The following HIKESHI variants were observed in gnomAD, a reference collection of about 807,000 sequenced individuals.
HIKESHI encodes the protein protein Hikeshi.
A neutral mutation model predicts 25.7 loss-of-function variants in HIKESHI; 13 were observed. The observed-to-expected ratio is 0.51, with a 90% CI of 0.33 to 0.80. HIKESHI has a LOEUF of 0.80. Ranked by LOEUF, HIKESHI falls within the 30% of genes least tolerant of loss-of-function variation. The pLI is 0.02. For missense variants in HIKESHI, 174 were observed against 229.5 expected, an observed-to-expected ratio of 0.76 and a Z score of 1.56; for synonymous variants, 76 against 78.7, an observed-to-expected ratio of 0.97 and a Z score of 0.18.
At chr11:86,326,381 G>C in intron 2 of HIKESHI, 1 of 413,382 alleles carries the variant, frequency 2.4e-6, no homozygotes, top group South Asian at 1.8e-5. Flanking sequence ...AAGGTCTTTT[G>C]TTATATTATG....
chr11:86,324,496 G>C (rs1947226290), intron 2 of HIKESHI, among the ~76,000 whole-genome samples: 1 of 152,130 alleles, frequency 6.6e-6, no homozygotes, highest in South Asian at 2.1e-4. Flanking sequence ...TTAAACAAAT[G>C]ATAAAATGCT....
chr11:86,326,705 G>T, intron 2 of HIKESHI: 1 of 362,628 alleles, frequency 2.8e-6, no homozygotes, highest in Non-Finnish European at 5.5e-6. Context: ...GGAAGTGGGT[G>T]GATGGGAATC....
intron 3 of HIKESHI, among the ~76,000 whole-genome samples, chr11:86,342,211 T>C (rs562281903): frequency 3.9e-5 from 6 of 152,380 alleles, no homozygotes; most frequent in Non-Finnish European, 7.3e-5. Context: ...GTATTGCTTT[T>C]GGCACTTTTT....
intron 3 of HIKESHI, among the ~76,000 whole-genome samples, chr11:86,340,507 G>A (rs1355109272): frequency 1.3e-5 from 2 of 152,208 alleles, no homozygotes; most frequent in Admixed American, 6.5e-5. Context: ...GACCAGTGAT[G>A]ATGAGCATTT....
At chr11:86,314,466 T>C (rs1247811607) in intron 2 of HIKESHI, among the ~76,000 whole-genome samples, 1 of 151,966 alleles carries the variant, frequency 6.6e-6, no homozygotes, top group Non-Finnish European at 1.5e-5. Context: ...ATACAAAAAA[T>C]TAGCCAGGCA....
chr11:86,345,816 T>C lies in HIKESHI; in HGVS notation c.*178T>C. ...AAAAACATTGAAAAATGAAAATATG[T>C]TCATCATTAAAGACTTTTTTCCCCT... is the stretch of plus-strand genomic sequence containing the variant. On this transcript the variant is annotated 3_prime_UTR_variant, in exon 5 of 5. Coordinates refer to ENST00000278483, the MANE Select transcript of HIKESHI (RefSeq NM_016401.4). 2.5e-6 allele frequency: 1 copy of C among 394,580 alleles called. No homozygotes were observed. Among genetic ancestry groups the C allele is most frequent in the Middle Eastern group, 6.7e-4 (1 of 1,498 alleles). 24.4% of individuals were successfully genotyped at this position (394,580 alleles called of 1,614,324 possible).
intron 2 of HIKESHI, among the ~76,000 whole-genome samples, chr11:86,309,140 A>C (rs291209): frequency 0.57 from 87,309 of 151,968 alleles, 25,641 homozygotes; most frequent in East Asian, 0.79. Context: ...TTGAGGAATC[A>C]CCACACTGTC....
At chr11:86,326,679 A>C in intron 2 of HIKESHI, 1 of 361,534 alleles carries the variant, frequency 2.8e-6, no homozygotes. Context: ...AAATATGAGT[A>C]AGATTTGGAT....
At chr11:86,311,180 C>T (rs1333704392) in intron 2 of HIKESHI, among the ~76,000 whole-genome samples, 3 of 152,076 alleles carry the variant, frequency 2.0e-5, no homozygotes, top group Non-Finnish European at 4.4e-5. Flanking sequence ...GCTGTGAATC[C>T]GTGTGGTCCT....
At position 86,331,978 on chromosome 11, in the gene HIKESHI, TTTTC is replaced by T. The variant is rs1222580738; in HGVS notation, c.269-5397_269-5394del. On this transcript the variant is annotated intron_variant, in intron 2 of 4. Coordinates refer to ENST00000278483, the MANE Select transcript of HIKESHI (RefSeq NM_016401.4). Reference sequence around the variant, plus strand: ...CCTTCCTTTTGCCATAACTGTTTTCTTTTCTTTTTTTTTTTTTTTTGCGACGGAG... The same window carrying T: ...CCTTCCTTTTGCCATAACTGTTTTCTTTTTTTTTTTTTTTTTGCGACGGAG... 2.8e-3 allele frequency among the ~76,000 whole-genome samples: 412 copies of T among 144,940 alleles called. 1 individual carries two copies. Among genetic ancestry groups the T allele is most frequent in the Non-Finnish European group, 5.1e-3 (334 of 65,972 alleles).
chr11:86,306,529 T>C, intron 2 of HIKESHI, 47 bp downstream of exon 2: 1 of 1,163,154 alleles, frequency 8.6e-7, no homozygotes, highest in Non-Finnish European at 1.2e-6. Context: ...CAAACTTTTT[T>C]CTTAAATAGC....
chr11:86,323,499 A>G (rs920728138), intron 2 of HIKESHI, among the ~76,000 whole-genome samples: 2 of 152,222 alleles, frequency 1.3e-5, no homozygotes, highest in African/African-American at 4.8e-5. Flanking sequence ...CCACTAGACC[A>G]GGACACATTG....
intron 4 of HIKESHI, 24 bp downstream of exon 4, chr11:86,344,745 A>G (rs750821505): frequency 2.8e-6 from 4 of 1,408,164 alleles, no homozygotes; most frequent in East Asian, 2.3e-5. Flanking sequence ...TCTGTCTCCA[A>G]TATTAAGGCT....
chr11:86,337,814 C>T (rs1263473244), intron 3 of HIKESHI, among the ~76,000 whole-genome samples: 1 of 152,052 alleles, frequency 6.6e-6, no homozygotes, highest in Non-Finnish European at 1.5e-5. Flanking sequence ...CATGTCACCA[C>T]ACCCGGCTAA....
At chr11:86,316,644 G>GT (rs1322679594) in intron 2 of HIKESHI, among the ~76,000 whole-genome samples, 1 of 152,034 alleles carries the variant, frequency 6.6e-6, no homozygotes, top group Non-Finnish European at 1.5e-5. Context: ...TTATATAAGT[G>GT]TTTATATAAA....
intron 3 of HIKESHI, among the ~76,000 whole-genome samples, chr11:86,341,151 T>A (rs1947715200): frequency 6.6e-6 from 1 of 152,242 alleles, no homozygotes; most frequent in East Asian, 1.9e-4. Context: ...TTTGCTAATA[T>A]AAGACATGAT....
Position 86,344,607 on chromosome 11 carries a change from C to T in HIKESHI, c.425C>T (p.Thr142Ile). 3 of 1,573,638 alleles carry T rather than the reference C, an allele frequency of 1.9e-6. No individual in the cohort carries two copies. Among genetic ancestry groups the T allele is most frequent in the Non-Finnish European group, 2.6e-6 (3 of 1,146,496 alleles). The change falls in exon 4 of 5, where the codon ACA becomes ATA. Residue 142 changes from threonine (T) to isoleucine (I), a missense_variant. Coordinates refer to ENST00000278483, the MANE Select transcript of HIKESHI (RefSeq NM_016401.4). ...VSSVDSFTQF[T>I]QKMLDNFYNF... ...AATCTATTATTAACTTTTCAGTTCACACAAAAGATGTTGGACAATTTCTAC... is the reference window on the plus strand; with the variant it reads ...AATCTATTATTAACTTTTCAGTTCATACAAAAGATGTTGGACAATTTCTAC...
chr11:86,315,198 C>T (rs1201212997), intron 2 of HIKESHI, among the ~76,000 whole-genome samples: 1 of 152,042 alleles, frequency 6.6e-6, no homozygotes, highest in African/African-American at 2.4e-5. Flanking sequence ...AGTAATAAAG[C>T]AGCGAGAGAG....
chr11:86,335,909 C>T (rs1947544043), intron 2 of HIKESHI, among the ~76,000 whole-genome samples: 1 of 152,140 alleles, frequency 6.6e-6, no homozygotes, highest in Non-Finnish European at 1.5e-5. Context: ...CAAAGTAAGG[C>T]TCTTATACAG....
Sources: allele counts gnomAD v4.1 joint callset (sites outside exome capture counted in the v4.1 genomes callset), GRCh38; gene constraint gnomAD v4.1.1; transcripts MANE v1.5; gene names NCBI Gene and HGNC (gene_info 2026-07-23, HGNC 2026-07-21).